The following MTSS1 variants were observed in gnomAD, a reference collection of about 807,000 sequenced individuals.
MTSS1 encodes protein MTSS 1.
Under a neutral mutation model 79.0 loss-of-function variants are expected in MTSS1, and 18 were observed. The ratio of observed to expected loss-of-function variants is 0.23; its 90% CI spans 0.16 to 0.34. The LOEUF is 0.34. Among genes scored for constraint, MTSS1 ranks in the 10% least tolerant of loss-of-function variants. The pLI, the probability that MTSS1 is intolerant of heterozygous loss-of-function variation, is 1.00. For missense variants in MTSS1, 815 were observed against 986.2 expected (o/e 0.83, Z 2.33); for synonymous variants, 341 against 368.6 (o/e 0.93, Z 0.86).
intron 3 of MTSS1, among the ~76,000 whole-genome samples, chr8:124,631,928 A>C (rs945768053): frequency 6.6e-6 from 1 of 152,190 alleles, no homozygotes; most frequent in Admixed American, 6.5e-5. Context: ...CCTGCTGCTG[A>C]TGATGGTGGT....
intron 3 of MTSS1, among the ~76,000 whole-genome samples, chr8:124,611,106 A>ACCCCCCCCCCCCCCCC (rs750490897): frequency 1.1e-5 from 1 of 94,444 alleles, no homozygotes; most frequent in African/African-American, 4.1e-5. Context: ...CACCAGACAG[A>ACCCCCCCCCCCCCCCC]CCCCCCCCCC....
chr8:124,594,071 G>C (rs1229799984), intron 3 of MTSS1, among the ~76,000 whole-genome samples: 1 of 152,196 alleles, frequency 6.6e-6, no homozygotes, highest in Non-Finnish European at 1.5e-5. Flanking sequence ...GATAATTCAT[G>C]CCTCAGTTTC....
At chr8:124,700,291 A>C (rs745783121) in intron 2 of MTSS1, among the ~76,000 whole-genome samples, 1 of 152,192 alleles carries the variant, frequency 6.6e-6, no homozygotes, top group African/African-American at 2.4e-5. Context: ...CAATATATAT[A>C]TATGCACATC....
chr8:124,688,397 ATGTGTATG>A (rs1232447077), intron 3 of MTSS1, among the ~76,000 whole-genome samples: 1 of 151,734 alleles, frequency 6.6e-6, no homozygotes, highest in Non-Finnish European at 1.5e-5. Context: ...GTATGTGTAT[ATGTGTATG>A]TGTGTGTACG....
At chr8:124,660,116 C>T (rs1020127525) in intron 3 of MTSS1, among the ~76,000 whole-genome samples, 6 of 151,618 alleles carry the variant, frequency 4.0e-5, no homozygotes, top group Non-Finnish European at 7.4e-5. Context: ...ACAGCTGTCC[C>T]GAGGATATGC....
Position 124,655,741 on chromosome 8 carries a change from T to C in MTSS1, c.208+43785A>G, listed in dbSNP as rs898402260. ...ACCCAAGCAATAGGCTGCTTACTGA[T>C]TGGGGAGAGAAAGAGGGATGGGAGG... On this transcript the variant is annotated intron_variant, in intron 3 of 13. Transcript: ENST00000518547. Among the ~76,000 whole-genome samples, 9 of 151,916 alleles carry C rather than the reference T, an allele frequency of 5.9e-5. No homozygotes were observed. The East Asian group carries it at 1.4e-3, about 23-fold the overall frequency.
Position 124,553,507 on chromosome 8 carries a change from C to T in MTSS1, c.1753G>A (p.Gly585Arg). 6.2e-7 allele frequency: 1 copy of T among 1,614,030 alleles called. No individual in the cohort carries two copies. Among genetic ancestry groups the T allele is most frequent in the African/African-American group, 1.3e-5 (1 of 75,028 alleles). Reference protein sequence around the residue: ...TTLGPAMVTPGVATIRRTPST... With the variant: ...TTLGPAMVTPRVATIRRTPST... ...GGGGTCCGTCGGATAGTTGCAACCC[C>T]TGGAGTGACCATAGCAGGTCCCAGG... Residue 585 changes from glycine (G) to arginine (R), a missense_variant, in exon 14 of 14, where the codon GGG becomes AGG. Gly to Arg is a moderately radical substitution (Grantham distance 125, BLOSUM62 -2). Around this residue, in one of 2 missense-constraint regions of MTSS1, gnomAD observed 590 missense variants for 620.8 expected, o/e 0.95. Coordinates refer to ENST00000518547, the MANE Select transcript of MTSS1 (RefSeq NM_014751.6). This position sits in a 1 kb window ranked among gnomAD's most constrained non-coding sequence, Gnocchi z 6.0.
intron 1 of MTSS1, among the ~76,000 whole-genome samples, chr8:124,724,366 C>G (rs1833375935): frequency 1.3e-5 from 2 of 152,116 alleles, no homozygotes; most frequent in Non-Finnish European, 2.9e-5. Context: ...CTGAACAAGG[C>G]CTCTATTCTG....
chr8:124,632,242 T>G (rs1816106596), intron 3 of MTSS1, among the ~76,000 whole-genome samples: 1 of 142,476 alleles, frequency 7.0e-6, no homozygotes, highest in South Asian at 2.2e-4. Flanking sequence ...CCATAACCAC[T>G]GCACTCTAGC....
chr8:124,719,501 CTAAT>C (rs924409886), intron 1 of MTSS1, among the ~76,000 whole-genome samples: 1 of 152,112 alleles, frequency 6.6e-6, no homozygotes, highest in African/African-American at 2.4e-5. Flanking sequence ...ACACTGAACT[CTAAT>C]TACCTGCCTG....
chr8:124,697,164 T>C (rs549446822), intron 3 of MTSS1, among the ~76,000 whole-genome samples: 2 of 151,654 alleles, frequency 1.3e-5, no homozygotes, highest in South Asian at 4.2e-4. Context: ...CATCCAAGAA[T>C]TAAACATTAA....
At chr8:124,712,640 C>G (rs933651456) in intron 1 of MTSS1, among the ~76,000 whole-genome samples, 1 of 152,194 alleles carries the variant, frequency 6.6e-6, no homozygotes, top group Non-Finnish European at 1.5e-5. Context: ...CATTCCTGGG[C>G]TTTTATTCTC....
rs148678541 is a variant in MTSS1, at chr8:124,604,595, G to GT, written c.209-13361dup. Among the ~76,000 whole-genome samples the GT allele has an allele frequency of 8.3e-3, 1,249 of 150,138 alleles. 8 individuals are homozygous for GT. Among genetic ancestry groups the GT allele is most frequent in the Non-Finnish European group, 0.013 (877 of 67,342 alleles). ...AAACATGCAGAAAATTTCCTGTGTG[G>GT]TTTTTTTTTTAAAAAACCTGTTTTA... On this transcript the variant is annotated intron_variant, in intron 3 of 13. Coordinates refer to ENST00000518547, the MANE Select transcript of MTSS1 (RefSeq NM_014751.6).
At chr8:124,637,734 C>T (rs1425930354) in intron 3 of MTSS1, among the ~76,000 whole-genome samples, 1 of 152,180 alleles carries the variant, frequency 6.6e-6, no homozygotes, top group African/African-American at 2.4e-5. Flanking sequence ...ATGCTTCCGA[C>T]GGGTGTCTAA....
At chr8:124,711,733 G>A (rs1213625214) in intron 1 of MTSS1, among the ~76,000 whole-genome samples, 6 of 152,114 alleles carry the variant, frequency 3.9e-5, no homozygotes, top group African/African-American at 7.2e-5. Flanking sequence ...GAGGCTGGGC[G>A]CAGTGCCTCA....
chr8:124,700,616 A>G (rs1829569145), intron 2 of MTSS1, among the ~76,000 whole-genome samples: 1 of 152,168 alleles, frequency 6.6e-6, no homozygotes, highest in Non-Finnish European at 1.5e-5. Flanking sequence ...TACTATAGTC[A>G]CTTATGTCCT....
At chr8:124,721,010 T>G (rs886178366) in intron 1 of MTSS1, among the ~76,000 whole-genome samples, 4 of 152,158 alleles carry the variant, frequency 2.6e-5, no homozygotes, top group Admixed American at 2.0e-4. Context: ...AGGTCAACTC[T>G]AGCTCCAGAA....
intron 3 of MTSS1, among the ~76,000 whole-genome samples, chr8:124,615,240 G>A (rs1010705867): frequency 1.3e-5 from 2 of 151,994 alleles, no homozygotes; most frequent in South Asian, 4.1e-4. Flanking sequence ...AAGCCATGCT[G>A]GGGGGTAGGC....
At chr8:124,634,649 A>G (rs1019575091) in intron 3 of MTSS1, among the ~76,000 whole-genome samples, 2 of 152,176 alleles carry the variant, frequency 1.3e-5, no homozygotes, top group Non-Finnish European at 2.9e-5. Flanking sequence ...TGGGCTGATT[A>G]GAGCCAGAAA....
Sources: allele counts gnomAD v4.1 joint callset (sites outside exome capture counted in the v4.1 genomes callset), GRCh38; gene constraint gnomAD v4.1.1; regional missense constraint gnomAD v4.1.1; non-coding constraint Gnocchi (gnomAD v3.1); transcripts MANE v1.5; gene names NCBI Gene and HGNC (gene_info 2026-07-23, HGNC 2026-07-21).